DNAAF3: variants seen among roughly 807,000 people sequenced by gnomAD.
The protein encoded by DNAAF3 is dynein axonemal assembly factor 3.
In DNAAF3, 40 loss-of-function variants were observed where a neutral mutation model predicts 50.9. That is an observed-to-expected ratio of 0.79 (90% confidence interval 0.61 to 1.02). The LOEUF is 1.02. Ranked by LOEUF, DNAAF3 falls within the 50% of genes least tolerant of loss-of-function variation. DNAAF3 has a pLI of 0.00. For missense variants in DNAAF3, 763 were observed against 744.7 expected (o/e 1.02, Z -0.29); for synonymous variants, 327 against 322.8 (o/e 1.01, Z -0.14).
rs202084011 is a variant in DNAAF3 at position 55,159,561 on chromosome 19, C to T, written c.1210G>A (p.Gly404Arg). The change falls in exon 11 of 12, where the codon GGA becomes AGA. Residue 404 changes from glycine (G) to arginine (R), a missense_variant. By Grantham distance (125) the Gly-to-Arg change is moderately radical. Transcript: ENST00000524407. Reference sequence around the variant, plus strand: ...GCTAATTCCACAATCAAGTTCCCTCCGGGTGCCACACAGGCCCCAAGCTCA... The same window carrying T: ...GCTAATTCCACAATCAAGTTCCCTCTGGGTGCCACACAGGCCCCAAGCTCA... ...IPELGACVAP[G>R]GNLIVELARY... is the part of the protein sequence containing the mutation. The T allele has an allele frequency of 4.6e-5, 73 of 1,603,998 alleles. No individual in the cohort carries two copies. Among genetic ancestry groups the T allele is most frequent in the African/African-American group, 4.0e-4 (30 of 74,862 alleles).
At position 55,159,415 on chromosome 19, in the gene DNAAF3, C is replaced by G; in HGVS notation, c.1273G>C (p.Gly425Arg). 6.2e-7 allele frequency: 1 copy of G among 1,614,138 alleles called. No homozygotes were observed. The highest frequency in any genetic ancestry group is 8.5e-7 in the Non-Finnish European group (1 of 1,180,014). ...LVDVRQEQLQ[G>R]FNTRVRELAQ... is the part of the protein sequence containing the mutation. The stretch of plus-strand genomic sequence containing the variant: ...AGCTCCCTGACCCGGGTGTTGAATC[C>G]CTGCAGCTGCTCCTGCCGCACGTCC... The change falls in exon 12 of 12, where the codon GGA becomes CGA. Residue 425 changes from glycine (G) to arginine (R), a missense_variant. Transcript: ENST00000524407.
chr19:55,166,101 G>A lies in DNAAF3; in HGVS notation c.86-101C>T. 1 of 1,595,786 alleles carries A rather than the reference G, an allele frequency of 6.3e-7. No individual in the cohort carries two copies. The highest frequency in any genetic ancestry group is 8.5e-7 in the Non-Finnish European group (1 of 1,171,168). On this transcript the variant is annotated intron_variant, in intron 2 of 11. Transcript: ENST00000524407. The surrounding 1 kb of genome is among the most constrained non-coding windows in gnomAD (Gnocchi z 4.0). ...GACTACAAATCCCAGTAGGCGTTCC[G>A]CCCGTGGCCTAGGTTCTAAGGGGAG...
At chr19:55,162,108 C>T in intron 5 of DNAAF3, 25 bp downstream of exon 5, 5 of 1,243,146 alleles carry the variant, frequency 4.0e-6, no homozygotes, top group Non-Finnish European at 5.1e-6. Context: ...CCACCCGATC[C>T]CAGATGGAGG....
chr19:55,166,666 C>G, upstream of DNAAF3: 2 of 1,605,436 alleles, frequency 1.2e-6, no homozygotes, highest in East Asian at 2.2e-5. This position sits in a 1 kb window ranked among gnomAD's most constrained non-coding sequence, Gnocchi z 4.0. Flanking sequence ...GGGACCACAG[C>G]GAGCAACTGA....
rs963540584 is a variant in DNAAF3, at chr19:55,160,377, A to C, written c.1048+263T>G. 6.6e-6 allele frequency among the ~76,000 whole-genome samples: 1 copy of C among 152,190 alleles called. No homozygotes were observed. Among genetic ancestry groups the C allele is most frequent in the East Asian group, 1.9e-4 (1 of 5,194 alleles). ...GATCCAGGGTGTGGGAGGCTGTCCA[A>C]GGGGGAGCTGGGACCCAGCACCCTG... On this transcript the variant is annotated intron_variant, in intron 9 of 11. Coordinates refer to ENST00000524407, the MANE Select transcript of DNAAF3 (RefSeq NM_001256715.2). This position sits in a 1 kb window ranked among gnomAD's most constrained non-coding sequence, Gnocchi z 4.7.
rs866818022 is a variant in DNAAF3, at chr19:55,161,258, G to A, written c.789+35C>T. 14 of 1,598,806 alleles carry A rather than the reference G, an allele frequency of 8.8e-6. 1 individual carries two copies. In the Middle Eastern group the frequency reaches 1.4e-3, roughly 155 times the overall value. Reference sequence around the variant, plus strand: ...CCCCTGACTCCTAGGACTCCGAGCAGCAGCAGTGGGCCAGGACAGGCAGTG... The same window carrying A: ...CCCCTGACTCCTAGGACTCCGAGCAACAGCAGTGGGCCAGGACAGGCAGTG... On this transcript the variant is annotated intron_variant, in intron 7 of 11. Transcript: ENST00000524407. This position sits in a 1 kb window ranked among gnomAD's most constrained non-coding sequence, Gnocchi z 6.4.
chr19:55,161,271 A>G lies in DNAAF3; in HGVS notation c.789+22T>C, dbSNP rs928281048. On this transcript the variant is annotated intron_variant, in intron 7 of 11. Transcript: ENST00000524407. This position sits in a 1 kb window ranked among gnomAD's most constrained non-coding sequence, Gnocchi z 6.4. ...GGACTCCGAGCAGCAGCAGTGGGCC[A>G]GGACAGGCAGTGGACACGCACGTAG... 14 of 1,605,022 alleles carry G rather than the reference A, an allele frequency of 8.7e-6. No homozygotes were observed. Among genetic ancestry groups the G allele is most frequent in the Non-Finnish European group, 1.1e-5 (13 of 1,174,310 alleles).
At chr19:55,159,776 T>G (rs2085786410) in intron 10 of DNAAF3, 123 bp downstream of exon 10, 2 of 957,536 alleles carry the variant, frequency 2.1e-6, no homozygotes, top group Non-Finnish European at 2.5e-6. Flanking sequence ...GAGGAGGGGC[T>G]GGGGGCCTGG....
chr19:55,163,065 A>G (rs1305725263), intron 4 of DNAAF3, among the ~76,000 whole-genome samples: 1 of 125,266 alleles, frequency 8.0e-6, no homozygotes, highest in South Asian at 2.5e-4. Flanking sequence ...ACTGTAGTGC[A>G]GTGGCGCGAT....
chr19:55,160,052 G>C lies in DNAAF3; in HGVS notation c.1049-39C>G. ...ATAGAGGGGTCACCTCTGACAGGCG[G>C]AGCCATAAGGGCGGAAAACCAGAGA... On this transcript the variant is annotated intron_variant, in intron 9 of 11. Transcript: ENST00000524407. This position sits in a 1 kb window ranked among gnomAD's most constrained non-coding sequence, Gnocchi z 4.7. 1 of 1,422,548 alleles carries C rather than the reference G, an allele frequency of 7.0e-7. No individual in the cohort carries two copies. Among genetic ancestry groups the C allele is most frequent in the Non-Finnish European group, 9.9e-7 (1 of 1,007,734 alleles). 88.1% of individuals were successfully genotyped at this position (1,422,548 alleles called of 1,614,324 possible).
rs772705469 is a variant in DNAAF3 at position 55,161,302 on chromosome 19, G to T, written c.780C>A (p.Leu260=). The change falls in exon 7 of 12, where the codon CTC becomes CTA. Residue 260 remains leucine, a synonymous_variant. Transcript: ENST00000524407. This position sits in a 1 kb window ranked among gnomAD's most constrained non-coding sequence, Gnocchi z 6.4. The part of the protein sequence containing the change: ...VPNRTLASGR[L]LSYRGERVAA... ...GGCAGTGGACACGCACGTAGCTCAGGAGGCGACCGGACGCCAGGGTCCGGT... is the reference window on the plus strand; with the variant it reads ...GGCAGTGGACACGCACGTAGCTCAGTAGGCGACCGGACGCCAGGGTCCGGT... 2 of 1,610,068 alleles carry T rather than the reference G, an allele frequency of 1.2e-6. No individual in the cohort carries two copies. Among genetic ancestry groups the T allele is most frequent in the South Asian group, 1.1e-5 (1 of 90,628 alleles).
At chr19:55,162,997 CTTTTTTTTTTTTTTTTTTT>C (rs576178532) in intron 4 of DNAAF3, among the ~76,000 whole-genome samples, 5 of 92,162 alleles carry the variant, frequency 5.4e-5, no homozygotes, top group African/African-American at 1.7e-4. Flanking sequence ...TTTTCTTTTT[CTTTTTTTTTTTTTTTTTTT>C]TTTTTTTTTT....
Position 55,161,676 on chromosome 19 carries a change from G to A in DNAAF3, c.630C>T (p.Asp210=). The A allele has an allele frequency of 6.5e-7, 1 of 1,539,890 alleles. No homozygotes were observed. The highest frequency in any genetic ancestry group is 8.7e-7 in the Non-Finnish European group (1 of 1,146,464). ...CATGCAGCTTCATGCGCAGGTCCCA[G>A]TCGCTGACACCGCGCCGGGCGTCGT... The part of the protein sequence containing the change: ...SRYDARRGVS[D]WDLRMKLHDR... The change falls in exon 6 of 12, where the codon GAC becomes GAT. Residue 210 remains aspartate, a synonymous_variant. Coordinates refer to ENST00000524407, the MANE Select transcript of DNAAF3 (RefSeq NM_001256715.2). This position sits in a 1 kb window ranked among gnomAD's most constrained non-coding sequence, Gnocchi z 6.4.
chr19:55,163,380 G>A (rs1371765000), intron 4 of DNAAF3, among the ~76,000 whole-genome samples: 5 of 142,840 alleles, frequency 3.5e-5, no homozygotes, highest in African/African-American at 5.3e-5. Context: ...GGATGGTCTC[G>A]ATCTCCTGAC....
Position 55,160,944 on chromosome 19 carries a change from T to C in DNAAF3, c.912+121A>G, listed in dbSNP as rs2085815753. The C allele has an allele frequency of 6.9e-7, 1 of 1,452,104 alleles. No homozygotes were observed. 90.0% of individuals were successfully genotyped at this position (1,452,104 alleles called of 1,614,324 possible). On this transcript the variant is annotated intron_variant, in intron 8 of 11. Coordinates refer to ENST00000524407, the MANE Select transcript of DNAAF3 (RefSeq NM_001256715.2). This position sits in a 1 kb window ranked among gnomAD's most constrained non-coding sequence, Gnocchi z 4.7. The stretch of plus-strand genomic sequence containing the variant: ...GGGGCCTGTTCTCTGAATGGAGTCG[T>C]TCCCACCAAGCGACGGGCGGGGTCT...
rs1380190699 is a variant in DNAAF3 at position 55,159,430 on chromosome 19, G to A, written c.1258C>T (p.Gln420Ter). The stretch of plus-strand genomic sequence containing the variant: ...GTGTTGAATCCCTGCAGCTGCTCCT[G>A]CCGCACGTCCACCAGGTACCTGCAG... ...ELARYLVDVR[Q>*]EQLQGFNTRV... The change falls in exon 12 of 12, where the codon CAG becomes TAG. Residue 420 changes from glutamine (Q) to a stop codon, truncating the protein, a stop_gained. Coordinates refer to ENST00000524407, the MANE Select transcript of DNAAF3 (RefSeq NM_001256715.2). LOFTEE classifies it low-confidence loss of function (END_TRUNC). 23 of 1,613,878 alleles carry A rather than the reference G, an allele frequency of 1.4e-5. No individual in the cohort carries two copies. Among genetic ancestry groups the A allele is most frequent in the Non-Finnish European group, 1.9e-5 (23 of 1,179,908 alleles).
At chr19:55,164,830 G>C (rs1360575521) in intron 4 of DNAAF3, among the ~76,000 whole-genome samples, 4 of 151,828 alleles carry the variant, frequency 2.6e-5, no homozygotes, top group South Asian at 2.1e-4. Context: ...GCCTCTCCTG[G>C]AATTTTCTAA....
chr19:55,166,687 T>C (rs1324705368), upstream of DNAAF3: 2 of 1,589,364 alleles, frequency 1.3e-6, no homozygotes, highest in Non-Finnish European at 1.7e-6. This position sits in a 1 kb window ranked among gnomAD's most constrained non-coding sequence, Gnocchi z 4.0. Context: ...CCAATGAGAG[T>C]GAGCGAGGCC....
intron 4 of DNAAF3, among the ~76,000 whole-genome samples, chr19:55,163,049 G>T (rs1402850049): frequency 1.7e-5 from 2 of 118,682 alleles, no homozygotes; most frequent in Admixed American, 1.1e-4. Flanking sequence ...TCGCTCTGTC[G>T]CCTAGACTGT....
Sources: allele counts gnomAD v4.1 joint callset (sites outside exome capture counted in the v4.1 genomes callset), GRCh38; gene constraint gnomAD v4.1.1; non-coding constraint Gnocchi (gnomAD v3.1); transcripts MANE v1.5; gene names NCBI Gene and HGNC (gene_info 2026-07-23, HGNC 2026-07-21).